The following CNOT6L variants were observed in gnomAD, a reference collection of about 807,000 sequenced individuals.
CNOT6L encodes CCR4-NOT transcription complex subunit 6-like.
In CNOT6L, 7 loss-of-function variants were observed where a neutral mutation model predicts 64.0. The ratio of observed to expected loss-of-function variants is 0.11; its 90% CI spans 0.06 to 0.21. The LOEUF is 0.21. Ranked by LOEUF, CNOT6L falls within the 10% of genes least tolerant of loss-of-function variation. The pLI is 1.00. For synonymous variants in CNOT6L, 193 were observed against 243.4 expected, an observed-to-expected ratio of 0.79 and a Z score of 1.93; for missense variants, 245 against 669.0, an observed-to-expected ratio of 0.37 and a Z score of 6.99.
intron 1 of CNOT6L, among the ~76,000 whole-genome samples, chr4:77,789,945 CAAAAAAAAAA>C (rs58242121): frequency 3.6e-5 from 3 of 83,310 alleles, no homozygotes; most frequent in African/African-American, 4.8e-5. Context: ...GACACTGTCT[CAAAAAAAAAA>C]AAAAAAAAAA....
intron 1 of CNOT6L, among the ~76,000 whole-genome samples, chr4:77,801,713 T>C (rs1440951950): frequency 1.7e-5 from 2 of 116,710 alleles, no homozygotes; most frequent in East Asian, 4.8e-4. Flanking sequence ...GAATGAAACA[T>C]TTTATAAATA....
At chr4:77,768,483 A>ATATT (rs1351225386) in intron 4 of CNOT6L, among the ~76,000 whole-genome samples, 3 of 3,498 alleles carry the variant, frequency 8.6e-4, no homozygotes, top group African/African-American at 1.6e-3. Flanking sequence ...AAATATATAT[A>ATATT]TATATATATA....
rs564091936 is a variant in CNOT6L at position 77,781,942 on chromosome 4, C to T, written c.6-5550G>A. Among the ~76,000 whole-genome samples, 15 of 152,150 alleles carry T rather than the reference C, an allele frequency of 9.9e-5. No homozygotes were observed. The East Asian group carries it at 2.5e-3, about 25-fold the overall frequency. The stretch of plus-strand genomic sequence containing the variant: ...ATGAAATCTCACCCAAAATACAAAT[C>T]ACTAATCATCTCAACAATAGTTTGC... On this transcript the variant is annotated intron_variant, in intron 1 of 11. Transcript: ENST00000504123.
At position 77,817,572 on chromosome 4, in the gene CNOT6L, CTG is replaced by C. The variant is rs1733715205; in HGVS notation, c.5+1730_5+1731del. 2.6e-5 allele frequency among the ~76,000 whole-genome samples: 4 copies of C among 152,320 alleles called. 1 individual carries two copies. The highest frequency in any genetic ancestry group is 2.6e-4 in the Admixed American group (4 of 15,308). ...TATTAGCTCTCTGTGACTGATAAAA[CTG>C]TGGCTTATAGATATGTTACCTAAGG... On this transcript the variant is annotated intron_variant, in intron 1 of 11. Transcript: ENST00000504123.
At chr4:77,801,759 A>C (rs577644195) in intron 1 of CNOT6L, among the ~76,000 whole-genome samples, 1 of 144,452 alleles carries the variant, frequency 6.9e-6, no homozygotes, top group Non-Finnish European at 1.5e-5. Context: ...TGCACCTTGC[A>C]TGTGCCTGTA....
chr4:77,816,275 T>C (rs10569714), intron 1 of CNOT6L, among the ~76,000 whole-genome samples: 19 of 151,596 alleles, frequency 1.3e-4, no homozygotes, highest in Admixed American at 5.2e-4. Flanking sequence ...AAAAAATATA[T>C]ATATAAAGTC....
In CNOT6L at chr4:77,718,653, C is replaced by T. The variant is rs1362398062; in HGVS notation, c.*1778G>A. 5 of 152,612 alleles carry T rather than the reference C, an allele frequency of 3.3e-5. No homozygotes were observed. Among genetic ancestry groups the T allele is most frequent in the Middle Eastern group, 3.4e-3 (1 of 294 alleles). The allele number at this position is 152,612 out of a possible 1,614,324, so 9.5% of individuals were successfully genotyped here. On this transcript the variant is annotated 3_prime_UTR_variant, in exon 12 of 12. Coordinates refer to ENST00000504123, the MANE Select transcript of CNOT6L (RefSeq NM_144571.3). ...TTACAGAACCCTTCTGATGCAATCC[C>T]ATGTATGATATGACATCATCCCACC... is the stretch of plus-strand genomic sequence containing the variant.
intron 1 of CNOT6L, among the ~76,000 whole-genome samples, chr4:77,776,594 C>G (rs1728167344): frequency 6.6e-6 from 1 of 152,146 alleles, no homozygotes; most frequent in Non-Finnish European, 1.5e-5. Flanking sequence ...TTATCAGATG[C>G]CTAAGGGAAA....
chr4:77,746,159 T>C (rs1248177479), intron 6 of CNOT6L, among the ~76,000 whole-genome samples: 4 of 152,208 alleles, frequency 2.6e-5, no homozygotes, highest in African/African-American at 9.7e-5. Context: ...TTCAGTTTTT[T>C]CCTAAGACTT....
At chr4:77,722,260 A>T (rs1721360291) in intron 11 of CNOT6L, among the ~76,000 whole-genome samples, 1 of 152,030 alleles carries the variant, frequency 6.6e-6, no homozygotes, top group Non-Finnish European at 1.5e-5. Context: ...TGTTGAACAG[A>T]ATCTCCTATA....
At chr4:77,731,733 C>G (rs1722457953) in intron 8 of CNOT6L, 195 bp from the exon 9 acceptor site, 1 of 478,916 alleles carries the variant, frequency 2.1e-6, no homozygotes, top group Non-Finnish European at 3.7e-6. Flanking sequence ...CTAACAAAGA[C>G]AGCATATATA....
chr4:77,769,598 C>T (rs956517226), intron 4 of CNOT6L, among the ~76,000 whole-genome samples: 2 of 151,946 alleles, frequency 1.3e-5, no homozygotes, highest in Non-Finnish European at 2.9e-5. Context: ...AAGTATTTTG[C>T]CTCCTATATA....
chr4:77,783,641 C>A (rs1454536806), intron 1 of CNOT6L, among the ~76,000 whole-genome samples: 1 of 152,048 alleles, frequency 6.6e-6, no homozygotes, highest in Non-Finnish European at 1.5e-5. Flanking sequence ...GTTCCCAGGA[C>A]AAGAATGAGA....
At chr4:77,744,962 G>A (rs1724030922) in intron 6 of CNOT6L, 87 bp from the exon 7 acceptor site, 9 of 1,035,666 alleles carry the variant, frequency 8.7e-6, no homozygotes, top group South Asian at 1.8e-5. Context: ...ACCTGCACAA[G>A]CACACACACA....
intron 10 of CNOT6L, among the ~76,000 whole-genome samples, chr4:77,726,612 C>T (rs1261883184): frequency 1.3e-5 from 2 of 152,178 alleles, no homozygotes; most frequent in African/African-American, 4.8e-5. Flanking sequence ...CAGGAACACT[C>T]AAAGATATCC....
At chr4:77,774,835 C>T (rs1339075062) in intron 2 of CNOT6L, 119 bp from the exon 3 acceptor site, 7 of 583,472 alleles carry the variant, frequency 1.2e-5, no homozygotes, top group Admixed American at 3.9e-5. Context: ...GTATCTCTGA[C>T]ATTTTAATTT....
chr4:77,726,781 T>C (rs1469714842), intron 10 of CNOT6L, among the ~76,000 whole-genome samples: 1 of 152,224 alleles, frequency 6.6e-6, no homozygotes, highest in South Asian at 2.1e-4. Context: ...TTTGCGAATA[T>C]ATAAGTAGAG....
At chr4:77,735,734 T>A (rs1722879987) in intron 8 of CNOT6L, among the ~76,000 whole-genome samples, 1 of 152,210 alleles carries the variant, frequency 6.6e-6, no homozygotes, top group Admixed American at 6.5e-5. Context: ...TGATCGTCAA[T>A]TACTGATTAT....
intron 1 of CNOT6L, among the ~76,000 whole-genome samples, chr4:77,789,820 A>C (rs1729910246): frequency 6.6e-6 from 1 of 151,734 alleles, no homozygotes; most frequent in South Asian, 2.1e-4. Flanking sequence ...GCATTGTGAC[A>C]TGTGCCTATG....
Sources: gnomAD v4.1 joint callset for allele counts (sites outside exome capture counted in the v4.1 genomes callset) on GRCh38, gnomAD v4.1.1 for gene constraint, MANE v1.5 for transcripts, NCBI Gene and HGNC (gene_info 2026-07-23, HGNC 2026-07-21) for gene names.